CDC42: variants seen among roughly 807,000 people sequenced by gnomAD.
CDC42 encodes cell division cycle 42, also known as cell division control protein 42 homolog.
A neutral mutation model predicts 20.8 loss-of-function variants in CDC42; 1 was observed. That is an observed-to-expected ratio of 0.05 (90% CI 0.02 to 0.23). The LOEUF is 0.23. Among genes scored for constraint, CDC42 ranks in the 10% least tolerant of loss-of-function variants. The pLI is 1.00. For synonymous variants in CDC42, 72 were observed against 84.8 expected, an observed-to-expected ratio of 0.85 and a Z score of 0.83; for missense variants, 49 against 227.9, an observed-to-expected ratio of 0.21 and a Z score of 5.05.
intron 1 of CDC42, among the ~76,000 whole-genome samples, chr1:22,072,397 G>A (rs919774593): frequency 6.6e-6 from 1 of 151,858 alleles, no homozygotes; most frequent in Admixed American, 6.6e-5. Context: ...GTGCCTGGCC[G>A]TTTTACTTAC....
chr1:22,069,896 A>T (rs895971400), intron 1 of CDC42, among the ~76,000 whole-genome samples: 10 of 151,728 alleles, frequency 6.6e-5, no homozygotes, highest in African/African-American at 2.4e-4. Context: ...CTGGGCTCGG[A>T]TGATCTTCAG....
intron 1 of CDC42, among the ~76,000 whole-genome samples, chr1:22,074,496 T>C (rs189094415): frequency 2.0e-5 from 3 of 152,322 alleles, no homozygotes; most frequent in Admixed American, 6.5e-5. Context: ...GTCTGACTTA[T>C]ATATATTGTA....
rs1449338180 is a variant in CDC42 at position 22,095,308 on chromosome 1, C to T, written c.*3791C>T. On this transcript the variant is annotated 3_prime_UTR_variant, in exon 6 of 6. Transcript: ENST00000656825. The stretch of plus-strand genomic sequence containing the variant: ...TTTTTGAGATGGAGTCTCGTTCTGT[C>T]GCCCAGGCTGGAGTGCAGTGGTGCA... Among the ~76,000 whole-genome samples the T allele has an allele frequency of 9.2e-5, 14 of 151,910 alleles. No individual in the cohort carries two copies. Among genetic ancestry groups the T allele is most frequent in the Admixed American group, 8.5e-4 (13 of 15,262 alleles).
chr1:22,053,136 C>G (rs919283110), intron 1 of CDC42, among the ~76,000 whole-genome samples: 1 of 151,402 alleles, frequency 6.6e-6, no homozygotes, highest in Non-Finnish European at 1.5e-5. Flanking sequence ...GGCCTCAGAG[C>G]GACTCGCGGG....
rs868020191 is a variant in CDC42 at position 22,095,909 on chromosome 1, C to T, written c.*4392C>T. Reference sequence around the variant, plus strand: ...CCATTGCCCAGAGATGGCATATAGCCGATCCCAAGTCAGTGCTATTCATTC... The same window carrying T: ...CCATTGCCCAGAGATGGCATATAGCTGATCCCAAGTCAGTGCTATTCATTC... On this transcript the variant is annotated 3_prime_UTR_variant, in exon 6 of 6. Coordinates refer to ENST00000656825, the MANE Select transcript of CDC42 (RefSeq NM_001791.4). Among the ~76,000 whole-genome samples, 3 of 152,042 alleles carry T rather than the reference C, an allele frequency of 2.0e-5. No homozygotes were observed. Among genetic ancestry groups the T allele is most frequent in the African/African-American group, 7.2e-5 (3 of 41,380 alleles).
rs568778756 is a variant in CDC42, at chr1:22,094,321, G to A, written c.*2804G>A. On this transcript the variant is annotated 3_prime_UTR_variant, in exon 6 of 6. Transcript: ENST00000656825. ...TTTTTTTTTTTTTTTTTTTTGAGAC[G>A]GAGTCTCGCTCTGTCGCCCAGGCTG... Among the ~76,000 whole-genome samples the A allele has an allele frequency of 0.011, 18 of 1,684 alleles. No individual in the cohort carries two copies. Among genetic ancestry groups the A allele is most frequent in the Non-Finnish European group, 0.017 (14 of 834 alleles). 1.1% of individuals were successfully genotyped at this position (1,684 alleles called of 152,430 possible). A position where few individuals can be genotyped will look rare whatever the true frequency, so the allele number is the denominator to read the frequency against.
chr1:22,053,575 T>A (rs1026512318), intron 1 of CDC42: 1 of 152,182 alleles, frequency 6.6e-6, no homozygotes, highest in African/African-American at 2.4e-5. Flanking sequence ...GGGGGGGAAT[T>A]TTCTTTGTTC....
chr1:22,081,617 AC>A (rs1645608621), intron 2 of CDC42, 104 bp from the exon 3 acceptor site: 4 of 703,786 alleles, frequency 5.7e-6, no homozygotes, highest in Admixed American at 4.7e-5. Context: ...GGACTAGGGG[AC>A]GATTAAGTCT....
intron 3 of CDC42, among the ~76,000 whole-genome samples, chr1:22,083,900 A>G (rs1295599078): frequency 1.3e-5 from 2 of 152,166 alleles, no homozygotes; most frequent in African/African-American, 4.8e-5. Context: ...GAACCATACA[A>G]TATGTAGTCT....
chr1:22,063,957 T>C (rs866781524), intron 1 of CDC42: 6 of 152,204 alleles, frequency 3.9e-5, no homozygotes, highest in African/African-American at 1.2e-4. Context: ...TGACCTCTTA[T>C]GATCTTCCTG....
At position 22,091,791 on chromosome 1, in the gene CDC42, GTGTTTTT is replaced by G. The variant is rs1311447347; in HGVS notation, c.*276_*282del. The G allele has an allele frequency of 8.7e-3, 681 of 77,914 alleles. 4 individuals are homozygous for G. Among genetic ancestry groups the G allele is most frequent in the Middle Eastern group, 0.011 (1 of 88 alleles). 4.8% of individuals were successfully genotyped at this position (77,914 alleles called of 1,614,324 possible). A position where few individuals can be genotyped will look rare whatever the true frequency, so the allele number is the denominator to read the frequency against. ...TCAAAAAAAAAATTTTTGTGTGTGT[GTGTTTTT>G]TTTTTTTTTTTTTTTGTTGTTTAAA... On this transcript the variant is annotated 3_prime_UTR_variant, in exon 6 of 6. Coordinates refer to ENST00000656825, the MANE Select transcript of CDC42 (RefSeq NM_001791.4).
At chr1:22,060,078 A>G (rs1273886839) in intron 1 of CDC42, among the ~76,000 whole-genome samples, 2 of 152,038 alleles carry the variant, frequency 1.3e-5, no homozygotes, top group Admixed American at 1.3e-4. Context: ...GCGGTGGCTC[A>G]TGCTTGTAAT....
At chr1:22,069,332 C>T (rs745969495) in intron 1 of CDC42, among the ~76,000 whole-genome samples, 1 of 151,944 alleles carries the variant, frequency 6.6e-6, no homozygotes, top group Admixed American at 6.6e-5. Context: ...AGCGCCATCA[C>T]ACCTGGCAAA....
chr1:22,054,172 A>G (rs1645269461), intron 1 of CDC42, among the ~76,000 whole-genome samples: 1 of 152,072 alleles, frequency 6.6e-6, no homozygotes, highest in African/African-American at 2.4e-5. Flanking sequence ...AAAACTTAAT[A>G]TTTTCATAAT....
intron 3 of CDC42, among the ~76,000 whole-genome samples, chr1:22,084,995 G>T (rs1329154067): frequency 6.6e-6 from 1 of 152,052 alleles, no homozygotes; most frequent in African/African-American, 2.4e-5. Flanking sequence ...ACTTTGGGAG[G>T]CTGAGGTGGG....
intron 5 of CDC42, 79 bp downstream of exon 5, chr1:22,086,945 A>T: frequency 8.2e-7 from 1 of 1,220,268 alleles, no homozygotes; most frequent in Non-Finnish European, 1.2e-6. Flanking sequence ...GTTATTTCTA[A>T]CAGTGATCAG....
intron 1 of CDC42, among the ~76,000 whole-genome samples, chr1:22,065,640 A>G (rs1435125208): frequency 6.6e-6 from 1 of 152,128 alleles, no homozygotes; most frequent in Non-Finnish European, 1.5e-5. Context: ...GGTCTTGTGA[A>G]TTAGATGTCA....
intron 5 of CDC42, among the ~76,000 whole-genome samples, chr1:22,088,843 T>C (rs969108715): frequency 2.0e-5 from 3 of 152,230 alleles, no homozygotes; most frequent in South Asian, 2.1e-4. Flanking sequence ...TTTTAACTTT[T>C]ATGTGGCATT....
intron 1 of CDC42, among the ~76,000 whole-genome samples, chr1:22,074,766 C>T (rs1358840107): frequency 6.6e-6 from 1 of 152,088 alleles, no homozygotes; most frequent in Non-Finnish European, 1.5e-5. Context: ...TCTCACTTGG[C>T]TTTATTGTGA....
Sources: allele counts gnomAD v4.1 joint callset (sites outside exome capture counted in the v4.1 genomes callset), GRCh38; gene constraint gnomAD v4.1.1; transcripts MANE v1.5; gene names NCBI Gene and HGNC (gene_info 2026-07-23, HGNC 2026-07-21).